The following NLRP12 variants were observed in gnomAD, a reference collection of about 807,000 sequenced individuals.
NLRP12 encodes NLR family pyrin domain containing 12.
In NLRP12, 108 loss-of-function variants were observed where a neutral mutation model predicts 91.2. That is an observed-to-expected ratio of 1.18 (90% CI 1.01 to 1.39). The LOEUF (loss-of-function observed/expected upper bound fraction) is 1.39, where lower values mean the gene tolerates loss of function less well. Ranked by LOEUF, NLRP12 falls within the 40% of genes most tolerant of loss-of-function variation. NLRP12 has a pLI of 0.00. For missense variants in NLRP12, 1,530 were observed against 1,352.7 expected (o/e 1.13, Z -2.06); for synonymous variants, 613 against 566.7 (o/e 1.08, Z -1.16).
chr19:53,818,866 C>G (rs985357378), intron 1 of NLRP12, among the ~76,000 whole-genome samples: 45 of 152,040 alleles, frequency 3.0e-4, no homozygotes, highest in African/African-American at 1.1e-3. Flanking sequence ...ACAAGTGTCT[C>G]GAGAGACTCT....
chr19:53,804,748 T>C (rs1419774047), intron 5 of NLRP12, among the ~76,000 whole-genome samples: 1 of 148,676 alleles, frequency 6.7e-6, no homozygotes, highest in Middle Eastern at 3.5e-3. Context: ...TTTTTGTAGG[T>C]CGAGTGCAGT....
chr19:53,809,639 C>A lies in NLRP12; in HGVS notation c.2020G>T (p.Gly674Trp), dbSNP rs139937024. The change falls in exon 3 of 10, where the codon GGG becomes TGG. Residue 674 changes from glycine to tryptophan, a missense_variant. By Grantham distance (184) the Gly-to-Trp change is radical (BLOSUM62 -2). Transcript: ENST00000324134. ...HLYGATYSAD[G>W]EDRARCSAGA... is the part of the protein sequence containing the mutation. ...GCGGAGCACCTCGCGCGGTCTTCCCCGTCCGCGCTGTAGGTGGCGCCATAC... is the reference window on the plus strand; with the variant it reads ...GCGGAGCACCTCGCGCGGTCTTCCCAGTCCGCGCTGTAGGTGGCGCCATAC... The A allele has an allele frequency of 8.2e-5, 132 of 1,613,654 alleles. No homozygotes were observed. The highest frequency in any genetic ancestry group is 1.1e-4 in the Non-Finnish European group (127 of 1,180,000).
In NLRP12 at chr19:53,810,447, G is replaced by C; in HGVS notation, c.1212C>G (p.Pro404=). 1 of 1,614,074 alleles carries C rather than the reference G, an allele frequency of 6.2e-7. No homozygotes were observed. Among genetic ancestry groups the C allele is most frequent in the South Asian group, 1.1e-5 (1 of 91,082 alleles). The change falls in exon 3 of 10, where the codon CCC becomes CCG. Residue 404 remains proline, a synonymous_variant. Coordinates refer to ENST00000324134, the MANE Select transcript of NLRP12 (RefSeq NM_144687.4). Reference sequence around the variant, plus strand: ...AGGTACACACCACCCAGCACACCAGGGGGACGAAGCACATGGTGAAGAGAG... The same window carrying C: ...AGGTACACACCACCCAGCACACCAGCGGGACGAAGCACATGGTGAAGAGAG... ...NEPLFTMCFV[P]LVCWVVCTCL... is the part of the protein sequence containing the mutation.
chr19:53,800,835 C>A (rs1050809333), intron 7 of NLRP12, among the ~76,000 whole-genome samples: 1 of 152,038 alleles, frequency 6.6e-6, no homozygotes, highest in African/African-American at 2.4e-5. Flanking sequence ...CCTCCCACCT[C>A]GGCCTCCCAA....
At chr19:53,815,122 C>A (rs2092137441) in intron 1 of NLRP12, 134 bp from the exon 2 acceptor site, 1 of 729,384 alleles carries the variant, frequency 1.4e-6, no homozygotes, top group South Asian at 1.5e-5. Context: ...GTAGTGACTG[C>A]ATAGGCCGTG....
chr19:53,794,168 G>C, intron 9 of NLRP12, 32 bp from the exon 10 acceptor site: 1 of 1,389,694 alleles, frequency 7.2e-7, no homozygotes, highest in Non-Finnish European at 1.0e-6. Flanking sequence ...TTATTCCAGT[G>C]TACTACTGTG....
At chr19:53,798,129 C>T in intron 8 of NLRP12, 114 bp downstream of exon 8, 2 of 1,181,484 alleles carry the variant, frequency 1.7e-6, no homozygotes, top group African/African-American at 1.5e-5. Context: ...CTTCTTGCTA[C>T]CTGAATCTTT....
In NLRP12 at chr19:53,803,993, G is replaced by A; in HGVS notation, c.2544C>T (p.Cys848=). 3 of 1,614,048 alleles carry A rather than the reference G, an allele frequency of 1.9e-6. No individual in the cohort carries two copies. The highest frequency in any genetic ancestry group is 2.5e-6 in the Non-Finnish European group (3 of 1,180,000). The change falls in exon 6 of 10, where the codon TGC becomes TGT. Residue 848 remains cysteine (C), a synonymous_variant. Coordinates refer to ENST00000324134, the MANE Select transcript of NLRP12 (RefSeq NM_144687.4). ...ALEDLGLRLL[C]QGLRHPVCRL... The stretch of plus-strand genomic sequence containing the variant: ...TGCAGACTGGGTGCCTCAGTCCCTG[G>A]CATAGTAACCTCAGGCCCAAATCCT...
rs143515989 is a variant in NLRP12, at chr19:53,798,414, C to T, written c.2757-1G>A. 2 of 1,613,876 alleles carry T rather than the reference C, an allele frequency of 1.2e-6. No individual in the cohort carries two copies. The highest frequency in any genetic ancestry group is 2.2e-5 in the East Asian group (1 of 44,864). ...AGAGCCCAGCCGGCAGATGCCCAACCTGCAAAGACAGGATGCTAGGGCGGA... is the reference window on the plus strand; with the variant it reads ...AGAGCCCAGCCGGCAGATGCCCAACTTGCAAAGACAGGATGCTAGGGCGGA... On this transcript the variant is annotated splice_acceptor_variant, in intron 7 of 9. Transcript: ENST00000324134. LOFTEE classifies it high-confidence loss of function.
chr19:53,818,650 G>A (rs1338018837), intron 1 of NLRP12, among the ~76,000 whole-genome samples: 1 of 152,056 alleles, frequency 6.6e-6, no homozygotes, highest in African/African-American at 2.4e-5. Flanking sequence ...GGGTGACAGA[G>A]TGAGACTCCG....
rs762132235 is a variant in NLRP12 at position 53,811,022 on chromosome 19, C to T, written c.637G>A (p.Val213Met). The change falls in exon 3 of 10, where the codon GTG becomes ATG. Residue 213 changes from valine (V) to methionine (M), a missense_variant. Transcript: ENST00000324134. ...ATCCCTGCCGCGCCTTGCATGACCA[C>T]GGTGCGCGGTGGCTCGGGGCGCTCC... ...DEERPEPPRTVVMQGAAGIGK... is the reference protein window; with the variant it reads ...DEERPEPPRTMVMQGAAGIGK... The T allele has an allele frequency of 4.3e-6, 7 of 1,613,182 alleles. No individual in the cohort carries two copies. In the South Asian group the frequency reaches 4.4e-5, roughly 10 times the overall value.
At position 53,810,378 on chromosome 19, in the gene NLRP12, C is replaced by T. The variant is rs528087095; in HGVS notation, c.1281G>A (p.Thr427=). The T allele has an allele frequency of 9.9e-6, 16 of 1,613,536 alleles. No individual in the cohort carries two copies. Among genetic ancestry groups the T allele is most frequent in the Middle Eastern group, 1.6e-4 (1 of 6,062 alleles). ...QLEGGGLLRQ[T]SRTTTAVYML... Reference sequence around the variant, plus strand: ...TGTACACTGCAGTGGTGGTCCTGGACGTCTGTCTCAACAGCCCCCCACCCT... The same window carrying T: ...TGTACACTGCAGTGGTGGTCCTGGATGTCTGTCTCAACAGCCCCCCACCCT... Residue 427 remains threonine, a synonymous_variant, in exon 3 of 10, where the codon ACG becomes ACA. Transcript: ENST00000324134.
chr19:53,809,923 A>C lies in NLRP12; in HGVS notation c.1736T>G (p.Leu579Arg), dbSNP rs761661148. 6 of 1,614,090 alleles carry C rather than the reference A, an allele frequency of 3.7e-6. No individual in the cohort carries two copies. Among genetic ancestry groups the C allele is most frequent in the Non-Finnish European group, 5.1e-6 (6 of 1,180,036 alleles). ...EETRSHLEKS[L>R]CWKVSPHIKM... ...GATGTGCGGCGAGACCTTCCAGCAG[A>C]GACTCTTCTCCAGGTGGCTCCTGGT... The change falls in exon 3 of 10, where the codon CTC (leucine) becomes CGC (arginine). Residue 579 changes from leucine (L) to arginine (R), a missense_variant. Physicochemically the swap from Leu to Arg is moderately radical, Grantham distance 102 (BLOSUM62 -2). Coordinates refer to ENST00000324134, the MANE Select transcript of NLRP12 (RefSeq NM_144687.4).
In NLRP12 at chr19:53,803,954, C is replaced by T. The variant is rs1024237885; in HGVS notation, c.2583G>A (p.Leu861=). ...LRHPVCRLRT[L]WLKICRLTAA... is the part of the protein sequence containing the mutation. ...AGTTGACCCCAGGAAGAACTCACCACAAAGTCCGTAGTCTGCAGACTGGGT... is the reference window on the plus strand; with the variant it reads ...AGTTGACCCCAGGAAGAACTCACCATAAAGTCCGTAGTCTGCAGACTGGGT... Residue 861 remains leucine, a splice_region_variant and synonymous_variant, in exon 6 of 10, where the codon TTG becomes TTA. Transcript: ENST00000324134. 1 of 1,613,912 alleles carries T rather than the reference C, an allele frequency of 6.2e-7. No homozygotes were observed. The highest frequency in any genetic ancestry group is 2.2e-5 in the East Asian group (1 of 44,878).
At chr19:53,809,254 C>T (rs1359333553) in intron 3 of NLRP12, among the ~76,000 whole-genome samples, 1 of 147,120 alleles carries the variant, frequency 6.8e-6, no homozygotes, top group Non-Finnish European at 1.5e-5. Flanking sequence ...AATCGTGGGC[C>T]GGGTGCAGTG....
chr19:53,820,115 C>T (rs74787596), intron 1 of NLRP12, among the ~76,000 whole-genome samples: 189 of 152,204 alleles, frequency 1.2e-3, no homozygotes, highest in African/African-American at 4.0e-3. Context: ...AAAGTTTGCT[C>T]GGTTCCTAGC....
chr19:53,809,750 C>A lies in NLRP12; in HGVS notation c.1909G>T (p.Val637Leu), dbSNP rs1254553227. ...QQALSHFQVI[V>L]VSNIASKMEH... Reference sequence around the variant, plus strand: ...ATCTTGGAGGCAATGTTGCTGACCACGATCACCTGGAAGTGGCTCAGGGCC... The same window carrying A: ...ATCTTGGAGGCAATGTTGCTGACCAAGATCACCTGGAAGTGGCTCAGGGCC... Residue 637 changes from valine (V) to leucine (L), a missense_variant, in exon 3 of 10, where the codon GTG becomes TTG. Physicochemically the swap from Val to Leu is conservative, Grantham distance 32 (BLOSUM62 1). Transcript: ENST00000324134. The A allele has an allele frequency of 3.1e-6, 5 of 1,614,152 alleles. No individual in the cohort carries two copies.
At chr19:53,806,884 A>G (rs1288565584) in intron 4 of NLRP12, among the ~76,000 whole-genome samples, 1 of 150,992 alleles carries the variant, frequency 6.6e-6, no homozygotes, top group Non-Finnish European at 1.5e-5. Flanking sequence ...AAAAAGTAAA[A>G]AAAAGAAAAA....
Position 53,810,917 on chromosome 19 carries a change from A to C in NLRP12, c.742T>G (p.Phe248Val), listed in dbSNP as rs1286975157. 1.2e-6 allele frequency: 2 copies of C among 1,614,066 alleles called. No homozygotes were observed. The highest frequency in any genetic ancestry group is 1.6e-4 in the Middle Eastern group (1 of 6,062). The stretch of plus-strand genomic sequence containing the variant: ...TTCATCTCCCTGCAGTTGATGTAGA[A>C]GAGATAATCAAATCTGCCTTGGAAG... The part of the protein sequence containing the change: ...KLFQGRFDYL[F>V]YINCREMNQS... Residue 248 changes from phenylalanine to valine, a missense_variant, in exon 3 of 10, where the codon TTC (phenylalanine) becomes GTC (valine). Coordinates refer to ENST00000324134, the MANE Select transcript of NLRP12 (RefSeq NM_144687.4).
Sources: allele counts gnomAD v4.1 joint callset (sites outside exome capture counted in the v4.1 genomes callset), GRCh38; gene constraint gnomAD v4.1.1; transcripts MANE v1.5; gene names NCBI Gene and HGNC (gene_info 2026-07-23, HGNC 2026-07-21).